ASIC2: variants seen among roughly 807,000 people sequenced by gnomAD.
ASIC2 encodes the protein acid sensing ion channel subunit 2.
Under a neutral mutation model 57.3 loss-of-function variants are expected in ASIC2, and 25 were observed. That is an observed-to-expected ratio of 0.44 (90% CI 0.32 to 0.61). ASIC2 has a LOEUF of 0.61. Ranked by LOEUF, ASIC2 falls within the 20% of genes least tolerant of loss-of-function variation. The probability of loss-of-function intolerance (pLI) is 0.06; values close to 1 mark genes in which losing one functional copy is unlikely to be tolerated. For synonymous variants in ASIC2, 319 were observed against 307.5 expected (o/e 1.04, Z -0.39); for missense variants, 641 against 738.1 (o/e 0.87, Z 1.52).
intron 1 of ASIC2, among the ~76,000 whole-genome samples, chr17:33,580,994 G>A (rs1904417843): frequency 1.3e-5 from 2 of 152,140 alleles, no homozygotes; most frequent in Admixed American, 1.3e-4. Flanking sequence ...TAATCTCTAG[G>A]ATCTTTGAAT....
intron 1 of ASIC2, among the ~76,000 whole-genome samples, chr17:33,354,253 C>T (rs1368465380): frequency 1.3e-5 from 2 of 152,126 alleles, no homozygotes; most frequent in Non-Finnish European, 2.9e-5. Context: ...ACATGAGTCT[C>T]CTCAAGATCT....
At chr17:33,239,704 TAGA>T (rs1240982527) in intron 1 of ASIC2, among the ~76,000 whole-genome samples, 1 of 152,194 alleles carries the variant, frequency 6.6e-6, no homozygotes, top group African/African-American at 2.4e-5. Flanking sequence ...ATTACAAATT[TAGA>T]AGAAGGTTTG....
At chr17:33,797,341 A>G (rs1911947233) in intron 1 of ASIC2, among the ~76,000 whole-genome samples, 1 of 152,134 alleles carries the variant, frequency 6.6e-6, no homozygotes, top group South Asian at 2.1e-4. Context: ...AACGTCTGGC[A>G]TGACTAGCGA....
chr17:33,331,393 G>A (rs1907306497), intron 1 of ASIC2, among the ~76,000 whole-genome samples: 1 of 152,184 alleles, frequency 6.6e-6, no homozygotes, highest in Non-Finnish European at 1.5e-5. Context: ...AGGCTGCACA[G>A]GCTTAATTCT....
At chr17:33,677,845 A>G (rs1907873642) in intron 1 of ASIC2, among the ~76,000 whole-genome samples, 1 of 152,212 alleles carries the variant, frequency 6.6e-6, no homozygotes, top group African/African-American at 2.4e-5. Context: ...TGTGAATACT[A>G]TTGACGTAAC....
chr17:33,762,949 T>C (rs1014327019), intron 1 of ASIC2, among the ~76,000 whole-genome samples: 1 of 152,198 alleles, frequency 6.6e-6, no homozygotes, highest in African/African-American at 2.4e-5. Context: ...TGCTCTGTTT[T>C]ATTTAAGCTG....
At chr17:33,297,160 T>C (rs554230318), upstream of ASIC2, among the ~76,000 whole-genome samples, 19 of 152,352 alleles carry the variant, frequency 1.2e-4, no homozygotes, top group African/African-American at 4.3e-4. Context: ...GTCCACCTGC[T>C]AGTGAAGTCC....
chr17:33,669,706 G>A (rs993887924), intron 1 of ASIC2, among the ~76,000 whole-genome samples: 5 of 152,158 alleles, frequency 3.3e-5, no homozygotes, highest in Non-Finnish European at 5.9e-5. Context: ...GGTGGGTGGC[G>A]ATGAAAACAT....
intron 3 of ASIC2, among the ~76,000 whole-genome samples, chr17:33,084,541 AC>A (rs1205578312): frequency 2.8e-4 from 42 of 152,374 alleles, no homozygotes; most frequent in Non-Finnish European, 5.0e-4. Context: ...TAGCTACGCA[AC>A]CTTGAACAAG....
chr17:33,647,603 C>T (rs950583324), intron 1 of ASIC2, among the ~76,000 whole-genome samples: 15 of 152,160 alleles, frequency 9.9e-5, no homozygotes, highest in Admixed American at 2.6e-4. Flanking sequence ...TGCCCTGCTG[C>T]TTGTGTGTGT....
At chr17:33,452,809 G>T (rs1259654950) in intron 1 of ASIC2, among the ~76,000 whole-genome samples, 2 of 146,610 alleles carry the variant, frequency 1.4e-5, no homozygotes, top group Non-Finnish European at 3.0e-5. Flanking sequence ...AGAAACAAAG[G>T]TTTATGTGCA....
chr17:33,243,194 C>T (rs1208701832), intron 1 of ASIC2, among the ~76,000 whole-genome samples: 2 of 152,158 alleles, frequency 1.3e-5, no homozygotes, highest in African/African-American at 4.8e-5. Context: ...AATAACTATG[C>T]ATTTCATAAT....
chr17:33,462,426 G>A (rs1021699655), intron 1 of ASIC2, among the ~76,000 whole-genome samples: 1 of 152,168 alleles, frequency 6.6e-6, no homozygotes, highest in African/African-American at 2.4e-5. Flanking sequence ...TGGATAAGGT[G>A]GAGGTGATCT....
chr17:33,636,198 CAT>C (rs1906358267), intron 1 of ASIC2, among the ~76,000 whole-genome samples: 1 of 152,116 alleles, frequency 6.6e-6, no homozygotes, highest in Non-Finnish European at 1.5e-5. Context: ...GCAAATAAAA[CAT>C]ACAGGGAAAG....
intron 1 of ASIC2, among the ~76,000 whole-genome samples, chr17:33,757,990 G>A (rs1002441237): frequency 6.6e-5 from 10 of 152,206 alleles, no homozygotes; most frequent in African/African-American, 2.4e-4. Flanking sequence ...CTCCCTCTCA[G>A]ATAGCTTGAG....
intron 1 of ASIC2, among the ~76,000 whole-genome samples, chr17:34,053,468 A>G (rs1908643545): frequency 6.6e-6 from 1 of 152,228 alleles, no homozygotes; most frequent in Non-Finnish European, 1.5e-5. Context: ...TTATAAGCAG[A>G]GCTGAAGTGA....
At chr17:33,250,936 CA>C (rs1342244898) in intron 1 of ASIC2, among the ~76,000 whole-genome samples, 2 of 152,178 alleles carry the variant, frequency 1.3e-5, no homozygotes, top group African/African-American at 4.8e-5. Flanking sequence ...CAGTTATGTG[CA>C]AAAACATATT....
intron 1 of ASIC2, chr17:33,828,441 G>A (rs1209012919): frequency 6.6e-6 from 1 of 152,208 alleles, no homozygotes; most frequent in Non-Finnish European, 1.5e-5. Flanking sequence ...TTTGTGAGAA[G>A]TGATCTTCCA....
chr17:34,144,999 G>A (rs560529265), intron 1 of ASIC2, among the ~76,000 whole-genome samples: 40 of 152,220 alleles, frequency 2.6e-4, no homozygotes, highest in Non-Finnish European at 4.6e-4. Context: ...CATGGAACCC[G>A]GCCATGCCCA....
Sources: gnomAD v4.1 joint callset for allele counts (sites outside exome capture counted in the v4.1 genomes callset) on GRCh38, gnomAD v4.1.1 for gene constraint, MANE v1.5 for transcripts, NCBI Gene and HGNC (gene_info 2026-07-23, HGNC 2026-07-21) for gene names.